The following ZSWIM2 variants were observed in gnomAD, a reference collection of about 807,000 sequenced individuals.
ZSWIM2 encodes zinc finger SWIM-type containing 2.
A neutral mutation model predicts 48.4 loss-of-function variants in ZSWIM2; 38 were observed. The ratio of observed to expected loss-of-function variants is 0.79; its 90% CI spans 0.61 to 1.03. The LOEUF (loss-of-function observed/expected upper bound fraction) is 1.03, where lower values mean the gene tolerates loss of function less well. Ranked by LOEUF, ZSWIM2 falls within the 50% of genes least tolerant of loss-of-function variation. The probability of loss-of-function intolerance (pLI) is 0.00; values close to 1 mark genes in which losing one functional copy is unlikely to be tolerated. For missense variants in ZSWIM2, 776 were observed against 730.2 expected (o/e 1.06, Z -0.72); for synonymous variants, 240 against 251.3 (o/e 0.96, Z 0.42).
chr2:186,834,108 C>G, intron 5 of ZSWIM2, 78 bp from the exon 6 acceptor site: 1 of 1,057,548 alleles, frequency 9.5e-7, no homozygotes, highest in Non-Finnish European at 1.4e-6. Flanking sequence ...AAATTCTGAC[C>G]AAAACTTCCT....
intron 4 of ZSWIM2, 58 bp from the exon 5 acceptor site, chr2:186,837,612 GTA>G (rs72348328): frequency 0.18 from 87,551 of 484,990 alleles, 10,601 homozygotes; most frequent in African/African-American, 0.25. Context: ...CATATCCATT[GTA>G]TATATATATA....
intron 5 of ZSWIM2, among the ~76,000 whole-genome samples, chr2:186,834,739 C>T (rs951900841): frequency 3.3e-5 from 5 of 152,104 alleles, no homozygotes; most frequent in African/African-American, 7.2e-5. Flanking sequence ...AAACAAACAA[C>T]GTAGCATCTC....
rs769884317 is a variant in ZSWIM2 at position 186,827,969 on chromosome 2, A to T, written c.*15T>A. On this transcript the variant is annotated 3_prime_UTR_variant, in exon 9 of 9. Coordinates refer to ENST00000295131, the MANE Select transcript of ZSWIM2 (RefSeq NM_182521.3). ...TTATATTCAACATTCAAATATTTTC[A>T]GATAGTAAACTTTTTCACAATTGAA... 1.3e-6 allele frequency: 2 copies of T among 1,524,290 alleles called. No homozygotes were observed. The highest frequency in any genetic ancestry group is 1.8e-6 in the Non-Finnish European group (2 of 1,137,324). The allele number at this position is 1,524,290 out of a possible 1,614,324, so 94.4% of individuals were successfully genotyped here. A position where few individuals can be genotyped will look rare whatever the true frequency, so the allele number is the denominator to read the frequency against.
Position 186,833,224 on chromosome 2 carries a change from G to A in ZSWIM2, c.837C>T (p.Asn279=). The A allele has an allele frequency of 6.6e-7, 1 of 1,509,074 alleles. No homozygotes were observed. Among genetic ancestry groups the A allele is most frequent in the Non-Finnish European group, 8.9e-7 (1 of 1,122,562 alleles). 93.5% of individuals were successfully genotyped at this position (1,509,074 alleles called of 1,614,324 possible). ...TTTTTTCTAGTGATCTCCATTTTTG[G>A]TTTCTTTTCTGTAATAGGTAAAAGT... is the stretch of plus-strand genomic sequence containing the variant. ...SHTFTFREKR[N]QKWRSLEKRA... is the part of the protein sequence containing the mutation. Residue 279 remains asparagine, a synonymous_variant, in exon 7 of 9, where the codon AAC becomes AAT. Transcript: ENST00000295131.
chr2:186,845,213 C>G (rs1160892989), intron 2 of ZSWIM2, among the ~76,000 whole-genome samples: 1 of 151,140 alleles, frequency 6.6e-6, no homozygotes, highest in Non-Finnish European at 1.5e-5. Context: ...TGGAATGCGA[C>G]TTTTTAAAAA....
intron 3 of ZSWIM2, among the ~76,000 whole-genome samples, 180 bp downstream of exon 3, chr2:186,844,537 T>A (rs995514281): frequency 1.3e-5 from 2 of 151,538 alleles, no homozygotes. Context: ...TACATTTTTT[T>A]AAAGATGAAA....
Position 186,837,472 on chromosome 2 carries a change from T to C in ZSWIM2, c.577A>G (p.Lys193Glu). Residue 193 changes from lysine (K) to glutamate (E), a missense_variant, in exon 5 of 9, where the codon AAA (lysine) becomes GAA (glutamate). By Grantham distance (56) the Lys-to-Glu change is moderately conservative (BLOSUM62 1). Transcript: ENST00000295131. The stretch of plus-strand genomic sequence containing the variant: ...AACTCTTTCCTGCACAGAGGACATT[T>C]CAACATGGAAGTGTTTGATGTACTC... Reference protein sequence around the residue: ...YQSTSNTSMLKCPLCRKEFAP... With the variant: ...YQSTSNTSMLECPLCRKEFAP... The C allele has an allele frequency of 6.2e-7, 1 of 1,612,664 alleles. No homozygotes were observed. Among genetic ancestry groups the C allele is most frequent in the Non-Finnish European group, 8.5e-7 (1 of 1,179,170 alleles).
intron 7 of ZSWIM2, among the ~76,000 whole-genome samples, chr2:186,831,576 G>A (rs981685493): frequency 5.9e-5 from 9 of 151,770 alleles, no homozygotes; most frequent in African/African-American, 9.7e-5. Flanking sequence ...ACATGCACAC[G>A]TATGTTTATT....
intron 3 of ZSWIM2, among the ~76,000 whole-genome samples, chr2:186,843,027 A>G (rs1691933157): frequency 6.6e-6 from 1 of 151,646 alleles, no homozygotes; most frequent in South Asian, 2.1e-4. Flanking sequence ...CATAACTTTT[A>G]TATTGATTAC....
chr2:186,828,355 G>T lies in ZSWIM2; in HGVS notation c.1531C>A (p.Gln511Lys). The change falls in exon 9 of 9, where the codon CAA (glutamine) becomes AAA (lysine). Residue 511 changes from glutamine (Q) to lysine (K), a missense_variant. Physicochemically the swap from Gln to Lys is moderately conservative, Grantham distance 53 (BLOSUM62 1). Coordinates refer to ENST00000295131, the MANE Select transcript of ZSWIM2 (RefSeq NM_182521.3). Reference sequence around the variant, plus strand: ...TGAACAATAGGAGGAAGCAGTGTTTGAGATGGTATTTTCCCAAATGACACA... The same window carrying T: ...TGAACAATAGGAGGAAGCAGTGTTTTAGATGGTATTTTCCCAAATGACACA... ...PTVSFGKIPS[Q>K]TLLPPIVHKN... 6.2e-7 allele frequency: 1 copy of T among 1,613,724 alleles called. No individual in the cohort carries two copies. Among genetic ancestry groups the T allele is most frequent in the South Asian group, 1.1e-5 (1 of 91,074 alleles).
At chr2:186,848,866 G>T in intron 1 of ZSWIM2, 100 bp downstream of exon 1, 2 of 1,487,112 alleles carry the variant, frequency 1.3e-6, no homozygotes, top group South Asian at 1.2e-5. Context: ...GCAAGTATCC[G>T]CAGAGATTGT....
At position 186,828,236 on chromosome 2, in the gene ZSWIM2, A is replaced by G. The variant is rs747822536; in HGVS notation, c.1650T>C (p.Cys550=). The change falls in exon 9 of 9, where the codon TGT becomes TGC. Residue 550 remains cysteine (C), a synonymous_variant. Transcript: ENST00000295131. ...SLSRMTKGCK[C]NNHNLKKTPA... ...GAGTCTTCTTTAGGTTGTGGTTATTACATTTACAGCCTTTGGTCATCCGGC... is the reference window on the plus strand; with the variant it reads ...GAGTCTTCTTTAGGTTGTGGTTATTGCATTTACAGCCTTTGGTCATCCGGC... 5 of 1,613,564 alleles carry G rather than the reference A, an allele frequency of 3.1e-6. No individual in the cohort carries two copies. Among genetic ancestry groups the G allele is most frequent in the South Asian group, 2.2e-5 (2 of 91,062 alleles).
Position 186,828,317 on chromosome 2 carries a change from C to A in ZSWIM2, c.1569G>T (p.Val523=). 1 of 1,613,374 alleles carries A rather than the reference C, an allele frequency of 6.2e-7. No individual in the cohort carries two copies. ...LLPPIVHKNI[V]CPTAMESPCI... Reference sequence around the variant, plus strand: ...ATGGACTTTCCATTGCAGTGGGACACACAATATTCTTATGAACAATAGGAG... The same window carrying A: ...ATGGACTTTCCATTGCAGTGGGACAAACAATATTCTTATGAACAATAGGAG... Residue 523 remains valine (V), a synonymous_variant, in exon 9 of 9, where the codon GTG becomes GTT. Transcript: ENST00000295131.
intron 1 of ZSWIM2, 68 bp downstream of exon 1, chr2:186,848,898 G>A: frequency 6.3e-7 from 1 of 1,590,268 alleles, no homozygotes; most frequent in East Asian, 2.2e-5. Context: ...CGCACATTGG[G>A]TATGCCAGTG....
At chr2:186,844,033 A>C (rs1284486277) in intron 3 of ZSWIM2, among the ~76,000 whole-genome samples, 4 of 151,704 alleles carry the variant, frequency 2.6e-5, no homozygotes, top group African/African-American at 7.2e-5. Context: ...AGAAACATTT[A>C]TTAATACTTT....
chr2:186,828,672 T>C lies in ZSWIM2; in HGVS notation c.1214A>G (p.His405Arg), dbSNP rs758079242. Residue 405 changes from histidine (H) to arginine (R), a missense_variant, in exon 9 of 9, where the codon CAT becomes CGT. By Grantham distance (29) the His-to-Arg change is conservative (BLOSUM62 0). Transcript: ENST00000295131. ...WKNSAVNGQA[H>R]QSVSNRDIIH... ...GATGTCTCTGTTTGAAACAGACTGA[T>C]GTGCTTGTCCATTCACTGCTGAATT... 6.2e-7 allele frequency: 1 copy of C among 1,613,298 alleles called. No homozygotes were observed. The highest frequency in any genetic ancestry group is 8.5e-7 in the Non-Finnish European group (1 of 1,179,646).
chr2:186,828,862 C>G (rs1018184495), intron 8 of ZSWIM2, 72 bp from the exon 9 acceptor site: 3 of 903,700 alleles, frequency 3.3e-6, no homozygotes, highest in Non-Finnish European at 4.4e-6. Context: ...AAATTTCCCC[C>G]AGTTTCATAA....
At position 186,837,440 on chromosome 2, in the gene ZSWIM2, T is replaced by C. The variant is rs891217407; in HGVS notation, c.609A>G (p.Pro203=). The C allele has an allele frequency of 1.2e-6, 2 of 1,612,782 alleles. No homozygotes were observed. Among genetic ancestry groups the C allele is most frequent in the East Asian group, 2.2e-5 (1 of 44,826 alleles). ...KCPLCRKEFA[P]LKLILEEFKN... ...TGAATTCCTCCAAAATCAGTTTTAA[T>C]GGTGCAAACTCTTTCCTGCACAGAG... Residue 203 remains proline (P), a synonymous_variant, in exon 5 of 9, where the codon CCA becomes CCG. Coordinates refer to ENST00000295131, the MANE Select transcript of ZSWIM2 (RefSeq NM_182521.3).
Position 186,839,774 on chromosome 2 carries a change from AT to A in ZSWIM2, c.284-606del, listed in dbSNP as rs564205675. ...TATTGCTTGCACCATTGGGATGTGCATTTTTTGAATTCTGTATTTTCTCTAT... is the reference window on the plus strand; with the variant it reads ...TATTGCTTGCACCATTGGGATGTGCATTTTTGAATTCTGTATTTTCTCTAT... On this transcript the variant is annotated intron_variant, in intron 3 of 8. Transcript: ENST00000295131. 2.2e-4 allele frequency among the ~76,000 whole-genome samples: 33 copies of A among 151,630 alleles called. No homozygotes were observed. In the East Asian group the frequency reaches 6.4e-3, roughly 29 times the overall value.
Sources: gnomAD v4.1 joint callset for allele counts (sites outside exome capture counted in the v4.1 genomes callset) on GRCh38, gnomAD v4.1.1 for gene constraint, MANE v1.5 for transcripts, NCBI Gene and HGNC (gene_info 2026-07-23, HGNC 2026-07-21) for gene names.